CAGE1: variants seen among roughly 807,000 people sequenced by gnomAD.
CAGE1 encodes the protein cancer-associated gene 1 protein.
Under a neutral mutation model 94.9 loss-of-function variants are expected in CAGE1, and 66 were observed. That is an observed-to-expected ratio of 0.70 (90% CI 0.57 to 0.85). CAGE1 has a LOEUF of 0.85. Among genes scored for constraint, CAGE1 ranks in the 40% least tolerant of loss-of-function variants. The pLI is 0.00. For synonymous variants in CAGE1, 319 were observed against 321.0 expected (o/e 0.99, Z 0.07); for missense variants, 865 against 950.4 (o/e 0.91, Z 1.18).
chr6:7,341,468 GCA>G, intron 11 of CAGE1: 1 of 1,136,986 alleles, frequency 8.8e-7, no homozygotes. Flanking sequence ...ATACCTCTTG[GCA>G]AATTCCAGGT....
chr6:7,351,507 T>G (rs1016213143), intron 11 of CAGE1, among the ~76,000 whole-genome samples: 43 of 132,060 alleles, frequency 3.3e-4, no homozygotes, highest in African/African-American at 1.3e-3. Flanking sequence ...AAAAGAAAAC[T>G]ACCCTAAAAC....
intron 12 of CAGE1, chr6:7,331,343 G>T: frequency 1.9e-6 from 2 of 1,069,078 alleles, no homozygotes; most frequent in South Asian, 1.5e-5. Context: ...CCGTAAGTCT[G>T]GACAAGGCAA....
intron 11 of CAGE1, chr6:7,340,897 G>T: frequency 2.4e-6 from 1 of 422,310 alleles, no homozygotes; most frequent in Non-Finnish European, 4.6e-6. Flanking sequence ...ATTTTAGCCG[G>T]GGGGAGCTCG....
At position 7,354,957 on chromosome 6, in the gene CAGE1, G is replaced by C. The variant is rs73719093; in HGVS notation, c.2369+84C>G. 3,133 of 962,958 alleles carry C rather than the reference G, an allele frequency of 3.3e-3. 64 individuals carry two copies. In the African/African-American group the frequency reaches 0.044, roughly 14 times the overall value. 59.7% of individuals were successfully genotyped at this position (962,958 alleles called of 1,614,324 possible). A position where few individuals can be genotyped will look rare whatever the true frequency, so the allele number is the denominator to read the frequency against. On this transcript the variant is annotated intron_variant, in intron 11 of 13. Transcript: ENST00000502583. ...AACTGCACATTTTTCTTCTTTCTAG[G>C]AGTCTGAAAAAAAGAATTTAGAATC...
chr6:7,359,050 TC>T (rs1299566019), intron 9 of CAGE1, among the ~76,000 whole-genome samples: 1 of 146,778 alleles, frequency 6.8e-6, no homozygotes, highest in African/African-American at 2.7e-5. Context: ...TTAATTTGCA[TC>T]TTTTTTTTTT....
In CAGE1 at chr6:7,339,554, A is replaced by G. The variant is rs878858328; in HGVS notation, c.2370-5464T>C. On this transcript the variant is annotated intron_variant, in intron 11 of 13. Coordinates refer to ENST00000502583, the MANE Select transcript of CAGE1 (RefSeq NM_001170692.2). The surrounding 1 kb of genome is among the most constrained non-coding windows in gnomAD (Gnocchi z 4.7). Reference sequence around the variant, plus strand: ...CAGTGACAAACTTCCTCTTCTTGGAAATTTGTAAGGCGATCTTGCCGCCAT... The same window carrying G: ...CAGTGACAAACTTCCTCTTCTTGGAGATTTGTAAGGCGATCTTGCCGCCAT... 1.3e-6 allele frequency: 1 copy of G among 777,924 alleles called. No individual in the cohort carries two copies. The allele number at this position is 777,924 out of a possible 1,614,324, so 48.2% of individuals were successfully genotyped here.
intron 2 of CAGE1, among the ~76,000 whole-genome samples, chr6:7,386,315 CTA>C (rs1761119208): frequency 6.6e-6 from 1 of 152,162 alleles, no homozygotes; most frequent in Non-Finnish European, 1.5e-5. Context: ...ATGTCACTGA[CTA>C]TCAAACGTTT....
chr6:7,351,687 T>C (rs57106622), intron 11 of CAGE1, among the ~76,000 whole-genome samples: 2,695 of 151,888 alleles, frequency 0.018, 84 homozygotes, highest in African/African-American at 0.061. Context: ...TCCACTATGA[T>C]CAACTGGGTT....
intron 11 of CAGE1, among the ~76,000 whole-genome samples, chr6:7,346,927 C>A (rs1003138850): frequency 2.0e-5 from 3 of 152,044 alleles, no homozygotes; most frequent in Non-Finnish European, 2.9e-5. Context: ...TATGATAAAG[C>A]CTAAATTCAG....
chr6:7,382,117 C>T (rs543380079), intron 3 of CAGE1, among the ~76,000 whole-genome samples: 89 of 149,792 alleles, frequency 5.9e-4, no homozygotes, highest in African/African-American at 2.0e-3. Context: ...GGATTACAGG[C>T]GTGAGCCACC....
intron 11 of CAGE1, chr6:7,341,474 T>A: frequency 8.8e-7 from 1 of 1,137,934 alleles, no homozygotes; most frequent in Admixed American, 1.7e-5. Flanking sequence ...CTTGGCAAAT[T>A]CCAGGTATTC....
intron 1 of CAGE1, among the ~76,000 whole-genome samples, chr6:7,387,492 C>A (rs113294167): frequency 2.9e-4 from 44 of 152,252 alleles, no homozygotes; most frequent in African/African-American, 1.0e-3. Flanking sequence ...AAAATATTAT[C>A]AGAGACCTAA....
Position 7,338,922 on chromosome 6 carries a change from T to G in CAGE1, c.2370-4832A>C, listed in dbSNP as rs1759066024. ...GAGATGGGGGTGGTGGGCAGTTATCTCATCTTTGGGTTCCACGATGCTCAC... is the reference window on the plus strand; with the variant it reads ...GAGATGGGGGTGGTGGGCAGTTATCGCATCTTTGGGTTCCACGATGCTCAC... On this transcript the variant is annotated intron_variant, in intron 11 of 13. Transcript: ENST00000502583. 1.8e-5 allele frequency: 28 copies of G among 1,597,554 alleles called. No homozygotes were observed. The South Asian group carries it at 3.0e-4, about 17-fold the overall frequency.
intron 11 of CAGE1, among the ~76,000 whole-genome samples, chr6:7,346,864 AAAAAAAGAAG>A (rs1366837198): frequency 3.9e-5 from 5 of 128,108 alleles, no homozygotes; most frequent in East Asian, 2.4e-4. Context: ...TCTCAAAAAA[AAAAAAAGAAG>A]AAAGAAAGAA....
intron 11 of CAGE1, among the ~76,000 whole-genome samples, chr6:7,347,666 A>C (rs2113389931): frequency 6.6e-6 from 1 of 152,304 alleles, no homozygotes; most frequent in South Asian, 2.1e-4. Flanking sequence ...GCTGGGAGGC[A>C]GGTAGCCTGG....
chr6:7,344,561 G>A (rs183320509), intron 11 of CAGE1, among the ~76,000 whole-genome samples: 2 of 152,346 alleles, frequency 1.3e-5, no homozygotes, highest in Admixed American at 6.5e-5. Context: ...CTGCTCTACA[G>A]CGCCCAGTCC....
chr6:7,387,104 G>A lies in CAGE1; in HGVS notation c.70C>T (p.His24Tyr). The A allele has an allele frequency of 6.4e-7, 1 of 1,551,174 alleles. No homozygotes were observed. The highest frequency in any genetic ancestry group is 8.7e-7 in the Non-Finnish European group (1 of 1,146,604). ...DPVHFEVDTS[H>Y]EKVESMSESD... ...TCTGACATGCTTTCTACTTTTTCAT[G>A]AGAAGTATCCACTTCAAAATGTACA... Residue 24 changes from histidine to tyrosine, a missense_variant, in exon 2 of 14, where the codon CAT becomes TAT. Physicochemically the swap from His to Tyr is moderately conservative, Grantham distance 83. Coordinates refer to ENST00000502583, the MANE Select transcript of CAGE1 (RefSeq NM_001170692.2).
intron 11 of CAGE1, among the ~76,000 whole-genome samples, chr6:7,343,437 G>A (rs1204845504): frequency 6.6e-6 from 1 of 152,100 alleles, no homozygotes; most frequent in Middle Eastern, 3.2e-3. Flanking sequence ...TGTACTCAAA[G>A]TATCATGAAA....
chr6:7,342,387 C>A (rs960796898), intron 11 of CAGE1, among the ~76,000 whole-genome samples: 1 of 152,228 alleles, frequency 6.6e-6, no homozygotes, highest in Non-Finnish European at 1.5e-5. Context: ...ATGAAGTACT[C>A]CCTCATGGTC....
Sources: allele counts gnomAD v4.1 joint callset (sites outside exome capture counted in the v4.1 genomes callset), GRCh38; gene constraint gnomAD v4.1.1; non-coding constraint Gnocchi (gnomAD v3.1); transcripts MANE v1.5; gene names NCBI Gene and HGNC (gene_info 2026-07-23, HGNC 2026-07-21).